Variants in SNX29 observed in about 807,000 individuals in gnomAD.
SNX29 encodes the protein sorting nexin 29.
Under a neutral mutation model 102.1 loss-of-function variants are expected in SNX29, and 78 were observed. That is an observed-to-expected ratio of 0.76 (90% CI 0.64 to 0.92). SNX29 has a LOEUF of 0.92. Among genes scored for constraint, SNX29 ranks in the 40% least tolerant of loss-of-function variants. The probability of loss-of-function intolerance (pLI) is 0.00; values close to 1 mark genes in which losing one functional copy is unlikely to be tolerated. For missense variants in SNX29, 1,280 were observed against 1,061.7 expected, an observed-to-expected ratio of 1.21 and a Z score of -2.86; for synonymous variants, 580 against 414.5, an observed-to-expected ratio of 1.40 and a Z score of -4.85.
rs145757439 is a variant in SNX29, at chr16:12,433,851, A to G, written c.2037+30322A>G. 1.7e-3 allele frequency among the ~76,000 whole-genome samples: 265 copies of G among 152,220 alleles called. 3 individuals carry two copies. The highest frequency in any genetic ancestry group is 6.1e-3 in the African/African-American group (252 of 41,532). ...AACAAAACAAAAACCCAGAAAACTA[A>G]TGATCAAAGGCCCTATTCAGCTTTC... On this transcript the variant is annotated intron_variant, in intron 18 of 20. Transcript: ENST00000566228.
intron 14 of SNX29, among the ~76,000 whole-genome samples, chr16:12,257,030 T>A (rs925653083): frequency 3.3e-5 from 5 of 152,196 alleles, no homozygotes; most frequent in Non-Finnish European, 5.9e-5. Context: ...ATGGGCTGAA[T>A]GAGGTGGTGG....
At chr16:12,157,089 T>C (rs1052904951) in intron 13 of SNX29, among the ~76,000 whole-genome samples, 2 of 151,928 alleles carry the variant, frequency 1.3e-5, no homozygotes, top group African/African-American at 4.8e-5. Flanking sequence ...GGAAAGGGGA[T>C]TTCTTGAGAT....
In SNX29 at chr16:12,573,345, G is replaced by C. The variant is rs186398163; in HGVS notation, c.*4716G>C. ...TCTGAATTATGTCATGGAGTAGACA[G>C]TTACTTCTAAATCCCAGCAACCAAG... is the stretch of plus-strand genomic sequence containing the variant. On this transcript the variant is annotated 3_prime_UTR_variant, in exon 21 of 21. Transcript: ENST00000566228. The C allele has an allele frequency of 1.4e-4, 31 of 225,340 alleles. No individual in the cohort carries two copies. Among genetic ancestry groups the C allele is most frequent in the Non-Finnish European group, 7.9e-5 (9 of 113,212 alleles). 14.0% of individuals were successfully genotyped at this position (225,340 alleles called of 1,614,324 possible). A position where few individuals can be genotyped will look rare whatever the true frequency, so the allele number is the denominator to read the frequency against.
chr16:12,525,508 A>G (rs948845189), intron 20 of SNX29, among the ~76,000 whole-genome samples: 2 of 152,064 alleles, frequency 1.3e-5, no homozygotes, highest in African/African-American at 4.8e-5. Flanking sequence ...TCCTGTCTCT[A>G]CTAAAAATAC....
intron 16 of SNX29, among the ~76,000 whole-genome samples, chr16:12,372,033 C>T (rs2082702815): frequency 6.6e-6 from 1 of 152,322 alleles, no homozygotes; most frequent in African/African-American, 2.4e-5. Flanking sequence ...GCACAACTAT[C>T]TAGAGTACAA....
chr16:12,326,106 A>C (rs190846226), intron 15 of SNX29, among the ~76,000 whole-genome samples: 7 of 150,846 alleles, frequency 4.6e-5, no homozygotes, highest in African/African-American at 1.7e-4. Context: ...GCTCACTGCA[A>C]CCTCTGCCTC....
At chr16:12,540,802 C>G (rs1020146957) in intron 20 of SNX29, among the ~76,000 whole-genome samples, 3 of 152,188 alleles carry the variant, frequency 2.0e-5, no homozygotes, top group East Asian at 3.8e-4. Flanking sequence ...CTGCTCAAGG[C>G]TGAGGCATGA....
chr16:12,474,774 C>T (rs145892113), intron 18 of SNX29, among the ~76,000 whole-genome samples: 39 of 152,292 alleles, frequency 2.6e-4, no homozygotes, highest in African/African-American at 8.9e-4. Flanking sequence ...TGATCTCTCT[C>T]CCACTTCCGT....
At chr16:12,014,895 C>T (rs1223884361) in intron 3 of SNX29, among the ~76,000 whole-genome samples, 1 of 152,034 alleles carries the variant, frequency 6.6e-6, no homozygotes, top group Admixed American at 6.6e-5. Context: ...ACTTATGGTA[C>T]CTTGAAAACT....
At chr16:12,380,234 C>A (rs754722684) in intron 16 of SNX29, among the ~76,000 whole-genome samples, 2 of 144,920 alleles carry the variant, frequency 1.4e-5, no homozygotes, top group African/African-American at 2.9e-5. Flanking sequence ...AGGGTACAGG[C>A]TTAGACAATC....
chr16:12,536,022 C>T (rs1006189326), intron 20 of SNX29, among the ~76,000 whole-genome samples: 3 of 152,256 alleles, frequency 2.0e-5, no homozygotes, highest in South Asian at 2.1e-4. Context: ...GGAGCTATCC[C>T]GTTCCTAATT....
intron 13 of SNX29, among the ~76,000 whole-genome samples, chr16:12,146,728 A>T (rs968276954): frequency 2.6e-5 from 4 of 152,164 alleles, no homozygotes; most frequent in Non-Finnish European, 5.9e-5. Context: ...ATGATTTCTC[A>T]GCTCGTTTTT....
rs369882823 is a variant in SNX29, at chr16:12,391,621, GCATC to G, written c.1900-6813_1900-6810del. Among the ~76,000 whole-genome samples the G allele has an allele frequency of 7.7e-3, 1,171 of 152,228 alleles. 19 individuals carry two copies. Among genetic ancestry groups the G allele is most frequent in the African/African-American group, 0.027 (1,132 of 41,522 alleles). On this transcript the variant is annotated intron_variant, in intron 16 of 20. Transcript: ENST00000566228. ...TTTTTTTATCCATCCATCTATGCGT[GCATC>G]CATCCATCCATTCATTCATTCATCT...
intron 7 of SNX29, among the ~76,000 whole-genome samples, chr16:12,051,190 G>T (rs1443254431): frequency 6.6e-6 from 1 of 152,122 alleles, no homozygotes; most frequent in Admixed American, 6.6e-5. Flanking sequence ...TTAGCTGGGT[G>T]TTGTGGCATG....
chr16:12,228,851 A>T lies in SNX29; in HGVS notation c.1678+29168A>T, dbSNP rs145679556. Among the ~76,000 whole-genome samples, 8 of 152,358 alleles carry T rather than the reference A, an allele frequency of 5.3e-5. 1 individual carries two copies. The highest frequency in any genetic ancestry group is 3.4e-3 in the Middle Eastern group (1 of 294). Reference sequence around the variant, plus strand: ...TTTGCCTGAGGCCACATGGCGAGTCAAGAGCCAGAGGGACTTCATTGCAAA... The same window carrying T: ...TTTGCCTGAGGCCACATGGCGAGTCTAGAGCCAGAGGGACTTCATTGCAAA... On this transcript the variant is annotated intron_variant, in intron 14 of 20. Coordinates refer to ENST00000566228, the MANE Select transcript of SNX29 (RefSeq NM_032167.5).
chr16:12,442,024 G>A (rs1009702916), intron 18 of SNX29, among the ~76,000 whole-genome samples: 1 of 151,736 alleles, frequency 6.6e-6, no homozygotes, highest in Admixed American at 6.6e-5. Context: ...AGGTGATCTG[G>A]CCACCTCAGC....
Position 12,443,963 on chromosome 16 carries a change from A to T in SNX29, c.2038-33756A>T, listed in dbSNP as rs574358803. ...CTCAGTATAGCATCTAGCACGTAATAAGCACTCAGTATAGCACCTAGCATG... is the reference window on the plus strand; with the variant it reads ...CTCAGTATAGCATCTAGCACGTAATTAGCACTCAGTATAGCACCTAGCATG... On this transcript the variant is annotated intron_variant, in intron 18 of 20. Transcript: ENST00000566228. Among the ~76,000 whole-genome samples the T allele has an allele frequency of 2.4e-4, 36 of 152,344 alleles. No homozygotes were observed. In the South Asian group the frequency reaches 5.0e-3, roughly 21 times the overall value.
intron 14 of SNX29, among the ~76,000 whole-genome samples, chr16:12,233,715 A>G (rs538396911): frequency 6.6e-6 from 1 of 152,290 alleles, no homozygotes; most frequent in East Asian, 1.9e-4. Context: ...ACAACATTTT[A>G]GAACATTTTC....
rs117627280 is a variant in SNX29 at position 12,566,891 on chromosome 16, A to G, written c.2319-1615A>G. ...AAGGCAAAGCAACAACTTGACTTAC[A>G]GGAAAAGACAATCATTAAAAGGGGT... On this transcript the variant is annotated intron_variant, in intron 20 of 20. Transcript: ENST00000566228. Among the ~76,000 whole-genome samples, 35 of 152,388 alleles carry G rather than the reference A, an allele frequency of 2.3e-4. No individual in the cohort carries two copies. The East Asian group carries it at 6.6e-3, about 29-fold the overall frequency.
Sources: allele counts gnomAD v4.1 joint callset (sites outside exome capture counted in the v4.1 genomes callset), GRCh38; gene constraint gnomAD v4.1.1; transcripts MANE v1.5; gene names NCBI Gene and HGNC (gene_info 2026-07-23, HGNC 2026-07-21).